SYNE2: variants seen among roughly 807,000 people sequenced by gnomAD.
The protein encoded by SYNE2 is nesprin-2.
Under a neutral mutation model 856.3 loss-of-function variants are expected in SYNE2, and 431 were observed. The observed-to-expected ratio is 0.50, with a 90% CI of 0.47 to 0.55. SYNE2 has a LOEUF of 0.55. Among genes scored for constraint, SYNE2 ranks in the 20% least tolerant of loss-of-function variants. SYNE2 has a pLI of 0.00. For missense variants in SYNE2, 8,129 were observed against 8,023.2 expected, an observed-to-expected ratio of 1.01 and a Z score of -0.50; for synonymous variants, 2,923 against 2,872.3, an observed-to-expected ratio of 1.02 and a Z score of -0.56.
intron 1 of SYNE2, among the ~76,000 whole-genome samples, chr14:63,771,093 G>A (rs1159870125): frequency 2.3e-5 from 3 of 132,140 alleles, no homozygotes; most frequent in African/African-American, 8.7e-5. Context: ...TTTTTGAGAC[G>A]GAGTCTCGCT....
chr14:64,024,788 C>T lies in SYNE2; in HGVS notation c.5841-124C>T, dbSNP rs542964564. ...GATTTTTTATATTACAAATTAAATT[C>T]TCTCTAAATTATAACAAACATATTA... On this transcript the variant is annotated intron_variant, in intron 39 of 115. Coordinates refer to ENST00000555002, the MANE Select transcript of SYNE2 (RefSeq NM_182914.3). The T allele has an allele frequency of 7.7e-4, 792 of 1,024,266 alleles. 1 individual carries two copies. The highest frequency in any genetic ancestry group is 9.5e-4 in the Non-Finnish European group (656 of 691,674). 63.4% of individuals were successfully genotyped at this position (1,024,266 alleles called of 1,614,324 possible). A position where few individuals can be genotyped will look rare whatever the true frequency, so the allele number is the denominator to read the frequency against.
At chr14:63,915,343 T>C (rs2095521718) in intron 2 of SYNE2, among the ~76,000 whole-genome samples, 1 of 152,186 alleles carries the variant, frequency 6.6e-6, no homozygotes, top group Admixed American at 6.5e-5. Flanking sequence ...TTTGAACTGT[T>C]TTGGATACTT....
intron 45 of SYNE2, among the ~76,000 whole-genome samples, chr14:64,036,617 T>G (rs2097092560): frequency 6.6e-6 from 1 of 152,172 alleles, no homozygotes; most frequent in South Asian, 2.1e-4. Flanking sequence ...TTGACAGATG[T>G]TTGGTCAACA....
chr14:63,998,762 C>T, intron 26 of SYNE2, 152 bp from the exon 27 acceptor site: 3 of 740,026 alleles, frequency 4.1e-6, no homozygotes, highest in Non-Finnish European at 2.3e-6. Context: ...GAGGTTTCGC[C>T]ATGTTGGCCA....
intron 8 of SYNE2, among the ~76,000 whole-genome samples, chr14:63,956,851 G>C (rs957168717): frequency 2.0e-5 from 3 of 152,142 alleles, no homozygotes; most frequent in Non-Finnish European, 4.4e-5. Flanking sequence ...ACCAATTCCC[G>C]TGTATACCAA....
In SYNE2 at chr14:64,214,325, A is replaced by G. The variant is rs544659096; in HGVS notation, c.19188A>G (p.Leu6396=). 1.9e-6 allele frequency: 3 copies of G among 1,614,126 alleles called. No homozygotes were observed. Among genetic ancestry groups the G allele is most frequent in the South Asian group, 1.1e-5 (1 of 91,078 alleles). Residue 6396 remains leucine, a synonymous_variant, in exon 106 of 116, where the codon CTA becomes CTG. Transcript: ENST00000555002. ...CATCTCCTCAGTCCCTGTGTCATCTAGTGGCCCCAGGGCACGAGCGGTCTG... is the reference window on the plus strand; with the variant it reads ...CATCTCCTCAGTCCCTGTGTCATCTGGTGGCCCCAGGGCACGAGCGGTCTG... ...EPSSPQSLCH[L]VAPGHERSGC...
chr14:63,908,370 C>T (rs2095433467), intron 1 of SYNE2, among the ~76,000 whole-genome samples: 1 of 152,046 alleles, frequency 6.6e-6, no homozygotes, highest in Admixed American at 6.6e-5. Flanking sequence ...TTTGATCATC[C>T]ATATGGGAGA....
chr14:64,162,307 G>T (rs754676660), intron 88 of SYNE2, 31 bp downstream of exon 88: 4 of 1,608,572 alleles, frequency 2.5e-6, no homozygotes, highest in East Asian at 2.2e-5. Flanking sequence ...GAAAACCAAG[G>T]CCAAGTCAGC....
intron 64 of SYNE2, among the ~76,000 whole-genome samples, chr14:64,106,288 C>G (rs2097771148): frequency 6.6e-6 from 1 of 152,026 alleles, no homozygotes; most frequent in South Asian, 2.1e-4. Context: ...CTTGCTTGTT[C>G]CTACCATTTG....
intron 6 of SYNE2, among the ~76,000 whole-genome samples, chr14:63,943,739 C>T (rs1434764821): frequency 2.0e-5 from 3 of 151,224 alleles, no homozygotes; most frequent in Non-Finnish European, 4.4e-5. Flanking sequence ...GGCACGATCT[C>T]GGCTCACTGC....
chr14:64,080,420 T>C (rs189442928), intron 55 of SYNE2, 36 bp from the exon 56 acceptor site: 1 of 1,609,486 alleles, frequency 6.2e-7, no homozygotes, highest in Admixed American at 1.7e-5. Flanking sequence ...AACTATGACC[T>C]CTTCATTCAA....
intron 97 of SYNE2, among the ~76,000 whole-genome samples, chr14:64,186,893 C>G (rs1388085184): frequency 6.6e-6 from 1 of 152,204 alleles, no homozygotes; most frequent in Non-Finnish European, 1.5e-5. Context: ...GTGGCAAGTC[C>G]TAATCAGTGT....
intron 1 of SYNE2, among the ~76,000 whole-genome samples, chr14:63,775,050 C>T (rs1448457707): frequency 6.6e-6 from 1 of 152,184 alleles, no homozygotes; most frequent in Non-Finnish European, 1.5e-5. Context: ...GATCTTGGCT[C>T]TCTGCAACCT....
At chr14:64,125,960 C>T (rs958264743) in intron 71 of SYNE2, among the ~76,000 whole-genome samples, 3 of 152,232 alleles carry the variant, frequency 2.0e-5, no homozygotes, top group Admixed American at 1.3e-4. Context: ...TTTCATTAAC[C>T]GCTTTCTCCT....
In SYNE2 at chr14:64,031,361, A is replaced by G; in HGVS notation, c.7221+4A>G. 8.7e-6 allele frequency: 14 copies of G among 1,612,904 alleles called. No individual in the cohort carries two copies. Among genetic ancestry groups the G allele is most frequent in the Non-Finnish European group, 1.2e-5 (14 of 1,179,086 alleles). On this transcript the variant is annotated splice_donor_region_variant and intron_variant, in intron 45 of 115. Transcript: ENST00000555002. ...GGAAGACTGGGAAATAAACAAGGTA[A>G]GTGCTTGTGATTGCACTTTCAAGAC...
At position 63,998,254 on chromosome 14, in the gene SYNE2, A is replaced by G. The variant is rs750383672; in HGVS notation, c.3279A>G (p.Ser1093=). The stretch of plus-strand genomic sequence containing the variant: ...CCACTATGAAGTTTAGCCTGGCATC[A>G]GTGTTAAGGCCTCTGCAAGAAGAAA... ...MEPTMKFSLA[S]VLRPLQEESI... The change falls in exon 26 of 116, where the codon TCA becomes TCG. Residue 1093 remains serine, a synonymous_variant. Transcript: ENST00000555002. 8.1e-6 allele frequency: 13 copies of G among 1,613,922 alleles called. No individual in the cohort carries two copies. Among genetic ancestry groups the G allele is most frequent in the African/African-American group, 1.3e-5 (1 of 74,924 alleles).
At chr14:64,195,607 C>T (rs1377292183) in intron 99 of SYNE2, among the ~76,000 whole-genome samples, 2 of 152,242 alleles carry the variant, frequency 1.3e-5, no homozygotes, top group Non-Finnish European at 2.9e-5. Context: ...ATAGTAGTGG[C>T]AATTAAAATG....
At position 64,221,643 on chromosome 14, in the gene SYNE2, C is replaced by G. The variant is rs1251755930; in HGVS notation, c.20129C>G (p.Ala6710Gly). Residue 6710 changes from alanine to glycine, a missense_variant, in exon 112 of 116, where the codon GCT (alanine) becomes GGT (glycine). Coordinates refer to ENST00000555002, the MANE Select transcript of SYNE2 (RefSeq NM_182914.3). ...AGTGCCAAGAACCGGAGGCAGAAGG[C>G]TCATGTCACCGATCCAAAGGCAGAC... is the stretch of plus-strand genomic sequence containing the variant. ...LASAKNRRQK[A>G]HVTDPKADPR... The G allele has an allele frequency of 6.2e-7, 1 of 1,614,176 alleles. No homozygotes were observed. The highest frequency in any genetic ancestry group is 8.5e-7 in the Non-Finnish European group (1 of 1,180,036).
chr14:64,185,093 C>T (rs557053064), intron 96 of SYNE2, among the ~76,000 whole-genome samples: 1 of 152,090 alleles, frequency 6.6e-6, no homozygotes, highest in East Asian at 1.9e-4. Flanking sequence ...TCCATCTCTA[C>T]AAAAAGATAT....
Sources: allele counts gnomAD v4.1 joint callset (sites outside exome capture counted in the v4.1 genomes callset), GRCh38; gene constraint gnomAD v4.1.1; transcripts MANE v1.5; gene names NCBI Gene and HGNC (gene_info 2026-07-23, HGNC 2026-07-21).